The following MSH6 variants were observed in gnomAD, a reference collection of about 807,000 sequenced individuals.
MSH6 encodes DNA mismatch repair protein Msh6.
MSH6 carries 85 observed loss-of-function variants against 119.1 expected under a neutral mutation model. That is an observed-to-expected ratio of 0.71 (90% CI 0.60 to 0.85). The LOEUF is 0.85. Ranked by LOEUF, MSH6 falls within the 40% of genes least tolerant of loss-of-function variation. The probability of loss-of-function intolerance (pLI) is 0.00; values close to 1 mark genes in which losing one functional copy is unlikely to be tolerated. For synonymous variants in MSH6, 830 were observed against 586.9 expected (o/e 1.41, Z -5.99); for missense variants, 2,163 against 1,655.3 (o/e 1.31, Z -5.32).
At chr2:47,809,040 A>G, downstream of MSH6, 2 of 611,306 alleles carry the variant, frequency 3.3e-6, no homozygotes, top group Non-Finnish European at 5.7e-6. Context: ...ATTGATGATA[A>G]AATTTTCAGT....
chr2:47,787,078 C>G (rs1668392793), intron 1 of MSH6, among the ~76,000 whole-genome samples: 1 of 152,330 alleles, frequency 6.6e-6, no homozygotes, highest in African/African-American at 2.4e-5. Flanking sequence ...GTAAACCCAA[C>G]ACTTTGGGAG....
At chr2:47,808,409 G>A (rs1249158667), downstream of MSH6, 2 of 1,598,136 alleles carry the variant, frequency 1.3e-6, no homozygotes, top group African/African-American at 1.3e-5. Flanking sequence ...TTCGATCTGT[G>A]GTGTTACAAG....
At chr2:47,795,571 TCTTCCCAC>T (rs1669030788) in intron 2 of MSH6, among the ~76,000 whole-genome samples, 2 of 151,530 alleles carry the variant, frequency 1.3e-5, no homozygotes, top group Admixed American at 6.6e-5. Flanking sequence ...GTTTAAGTGA[TCTTCCCAC>T]CTCAGCCTCC....
At chr2:47,788,946 T>TTTTTTTTTTTG (rs1553409740) in intron 1 of MSH6, among the ~76,000 whole-genome samples, 4 of 115,830 alleles carry the variant, frequency 3.5e-5, no homozygotes, top group Admixed American at 1.0e-4. Context: ...TTTTTTTTTT[T>TTTTTTTTTTTG]TGTGAGACGG....
At chr2:47,801,893 C>T (rs943153966) in intron 4 of MSH6, among the ~76,000 whole-genome samples, 8 of 152,272 alleles carry the variant, frequency 5.3e-5, no homozygotes, top group Non-Finnish European at 1.0e-4. Context: ...AAGTGATCCT[C>T]CAGTCTCCCA....
At chr2:47,783,564 C>T in intron 1 of MSH6, 71 bp downstream of exon 1, 1 of 1,364,426 alleles carries the variant, frequency 7.3e-7, no homozygotes, top group Non-Finnish European at 9.5e-7. Context: ...CGAGGGGAGG[C>T]TCGCACAGGG....
At chr2:47,785,615 T>C (rs944315868) in intron 1 of MSH6, among the ~76,000 whole-genome samples, 7 of 152,246 alleles carry the variant, frequency 4.6e-5, no homozygotes, top group African/African-American at 1.7e-4. Context: ...GTAATTATAG[T>C]GTTACCCTTG....
At position 47,797,648 on chromosome 2, in the gene MSH6, T is replaced by C. The variant is rs150630649; in HGVS notation, c.628-963T>C. The stretch of plus-strand genomic sequence containing the variant: ...CCATGGCAGCAATCACTTAATCTTG[T>C]AGTTAGAGGTGGGGTCTCACCATGT... On this transcript the variant is annotated intron_variant, in intron 3 of 9. Transcript: ENST00000234420. Among the ~76,000 whole-genome samples, 24 of 152,366 alleles carry C rather than the reference T, an allele frequency of 1.6e-4. No homozygotes were observed. In the East Asian group the frequency reaches 4.6e-3, roughly 29 times the overall value.
chr2:47,784,468 T>G (rs1668223298), intron 1 of MSH6: 3 of 155,214 alleles, frequency 1.9e-5, no homozygotes, highest in Admixed American at 1.3e-4. Flanking sequence ...GTGCTTTTTT[T>G]TTTTTTTCCT....
Position 47,799,530 on chromosome 2 carries a change from T to C in MSH6, c.1547T>C (p.Ile516Thr). ...GTGGTGAGGAGGGAGATCTGTAGGA[T>C]CATTACCAAGGGTACACAGACTTAC... ...DRVVRREICR[I>T]ITKGTQTYSV... is the part of the protein sequence containing the mutation. The change falls in exon 4 of 10, where the codon ATC becomes ACC. Residue 516 changes from isoleucine to threonine, a missense_variant. Transcript: ENST00000234420. 6.2e-7 allele frequency: 1 copy of C among 1,614,144 alleles called. No individual in the cohort carries two copies. The highest frequency in any genetic ancestry group is 1.1e-5 in the South Asian group (1 of 91,076).
intron 9 of MSH6, 31 bp from the exon 10 acceptor site, chr2:47,806,748 A>AAAC (rs747549376): frequency 6.7e-7 from 1 of 1,498,708 alleles, no homozygotes; most frequent in Non-Finnish European, 9.1e-7. Context: ...AAAAACAAAA[A>AAAC]AACTTTTTTT....
chr2:47,804,145 T>G (rs1669803009), intron 5 of MSH6, among the ~76,000 whole-genome samples: 2 of 151,896 alleles, frequency 1.3e-5, no homozygotes, highest in Non-Finnish European at 2.9e-5. Flanking sequence ...TTTTTTTTTG[T>G]TGTTGCCAAG....
downstream of MSH6, chr2:47,807,076 T>G: frequency 1.8e-6 from 1 of 550,628 alleles, no homozygotes; most frequent in African/African-American, 1.9e-5. Flanking sequence ...GCATACACTT[T>G]CAGGCTGTTT....
In MSH6 at chr2:47,804,907, C is replaced by T. The variant is rs1114167792; in HGVS notation, c.3439-3C>T. 1 of 1,611,406 alleles carries T rather than the reference C, an allele frequency of 6.2e-7. No homozygotes were observed. The highest frequency in any genetic ancestry group is 8.5e-7 in the Non-Finnish European group (1 of 1,177,474). On this transcript the variant is annotated splice_polypyrimidine_tract_variant and splice_region_variant and intron_variant, in intron 5 of 9. Transcript: ENST00000234420. ...AAAAGACCTTTTCCTCCCTCATTCA[C>T]AGGCTGGCTTATTAGCTGTAATGGC...
chr2:47,800,777 G>C lies in MSH6; in HGVS notation c.2794G>C (p.Gly932Arg), dbSNP rs2104424379. ...GACTGGACTTATTACTCCCAAAGCAGGCTTTGACTCTGATTATGACCAAGC... is the reference window on the plus strand; with the variant it reads ...GACTGGACTTATTACTCCCAAAGCACGCTTTGACTCTGATTATGACCAAGC... ...RKTGLITPKAGFDSDYDQALA... is the reference protein window; with the variant it reads ...RKTGLITPKARFDSDYDQALA... Residue 932 changes from glycine (G) to arginine (R), a missense_variant, in exon 4 of 10, where the codon GGC becomes CGC. Coordinates refer to ENST00000234420, the MANE Select transcript of MSH6 (RefSeq NM_000179.3). 1 of 1,614,130 alleles carries C rather than the reference G, an allele frequency of 6.2e-7. No homozygotes were observed. Among genetic ancestry groups the C allele is most frequent in the Non-Finnish European group, 8.5e-7 (1 of 1,180,018 alleles).
At chr2:47,807,109 C>T, downstream of MSH6, 1 of 484,632 alleles carries the variant, frequency 2.1e-6, no homozygotes. Flanking sequence ...CACCAATACA[C>T]ATAAATGGGG....
At position 47,806,493 on chromosome 2, in the gene MSH6, GACT is replaced by G. The variant is rs1367615271; in HGVS notation, c.3845_3847del (p.Thr1282del). On this transcript the variant is annotated inframe_deletion, in exon 9 of 10. Coordinates refer to ENST00000234420, the MANE Select transcript of MSH6 (RefSeq NM_000179.3). ...ATGAATGTGAAGACCCCAGCCAGGAGACTATTACGTTCCTCTATAAATTCATTA... is the reference window on the plus strand; with the variant it reads ...ATGAATGTGAAGACCCCAGCCAGGAGATTACGTTCCTCTATAAATTCATTA... 1.9e-6 allele frequency: 3 copies of G among 1,613,910 alleles called. No individual in the cohort carries two copies. The highest frequency in any genetic ancestry group is 2.5e-6 in the Non-Finnish European group (3 of 1,179,982).
intron 1 of MSH6, among the ~76,000 whole-genome samples, chr2:47,786,010 A>G (rs528438698): frequency 6.6e-6 from 1 of 152,250 alleles, no homozygotes; most frequent in Admixed American, 6.5e-5. Flanking sequence ...ATTAGGCATT[A>G]TGGATCCTGG....
rs1060502904 is a variant in MSH6 at position 47,791,117 on chromosome 2, T to C, written c.451T>C (p.Tyr151His). 1 of 1,614,028 alleles carries C rather than the reference T, an allele frequency of 6.2e-7. No homozygotes were observed. Among genetic ancestry groups the C allele is most frequent in the Non-Finnish European group, 8.5e-7 (1 of 1,179,912 alleles). The change falls in exon 2 of 10, where the codon TAT (tyrosine) becomes CAT (histidine). Residue 151 changes from tyrosine (Y) to histidine (H), a missense_variant. Tyr to His is a moderately conservative substitution (Grantham distance 83). Transcript: ENST00000234420. ...GWVSKRLLKPYTGSKSKEAQK... is the reference protein window; with the variant it reads ...GWVSKRLLKPHTGSKSKEAQK... ...GGTTAGCAAAAGGCTTTTAAAGCCA[T>C]ATACAGGTAAGAGTCACTACTGCCA...
Sources: gnomAD v4.1 joint callset for allele counts (sites outside exome capture counted in the v4.1 genomes callset) on GRCh38, gnomAD v4.1.1 for gene constraint, MANE v1.5 for transcripts, NCBI Gene and HGNC (gene_info 2026-07-23, HGNC 2026-07-21) for gene names.